MYBL2: variants seen among roughly 807,000 people sequenced by gnomAD.
MYBL2 encodes the protein myb-related protein B.
In MYBL2, 28 loss-of-function variants were observed where a neutral mutation model predicts 79.9. The ratio of observed to expected loss-of-function variants is 0.35; its 90% CI spans 0.26 to 0.48. The LOEUF is 0.48. Ranked by LOEUF, MYBL2 falls within the 20% of genes least tolerant of loss-of-function variation. MYBL2 has a pLI of 0.99. For synonymous variants in MYBL2, 378 were observed against 361.2 expected (o/e 1.05, Z -0.53); for missense variants, 735 against 893.9 (o/e 0.82, Z 2.27).
exon 14 of MYBL2, chr20:43,716,478 CTCTT>C (rs1461340641): frequency 4.3e-6 from 1 of 235,200 alleles, no homozygotes; most frequent in African/African-American, 2.4e-5. Flanking sequence ...AATTGCCTCT[CTCTT>C]TGTGCTGGTC....
intron 2 of MYBL2, among the ~76,000 whole-genome samples, chr20:43,675,705 C>T (rs1986990332): frequency 6.6e-6 from 1 of 151,936 alleles, no homozygotes; most frequent in Admixed American, 6.6e-5. Context: ...GTCAGGCTTC[C>T]CCAGCTCCAG....
At chr20:43,691,543 A>T (rs1323533245) in intron 5 of MYBL2, among the ~76,000 whole-genome samples, 4 of 141,690 alleles carry the variant, frequency 2.8e-5, no homozygotes, top group African/African-American at 7.9e-5. Flanking sequence ...TTATATATAC[A>T]TTTTTTTTTT....
At chr20:43,693,463 C>T (rs532105468) in intron 6 of MYBL2, among the ~76,000 whole-genome samples, 3 of 152,086 alleles carry the variant, frequency 2.0e-5, no homozygotes, top group Admixed American at 6.6e-5. Flanking sequence ...CTCAGCATCC[C>T]GAGTAGCTGG....
rs142205337 is a variant in MYBL2, at chr20:43,708,314, A to G, written c.1506-1649A>G. 1.2e-3 allele frequency among the ~76,000 whole-genome samples: 181 copies of G among 151,950 alleles called. 2 individuals carry two copies. The highest frequency in any genetic ancestry group is 4.0e-3 in the African/African-American group (167 of 41,440). ...AGGGTCTCACTGTGTTGCCCAGGCT[A>G]GTCTTGAACTCTGGGACTCAAGCAA... is the stretch of plus-strand genomic sequence containing the variant. On this transcript the variant is annotated intron_variant, in intron 9 of 13. Transcript: ENST00000217026.
chr20:43,702,000 G>A (rs990775911), intron 7 of MYBL2, among the ~76,000 whole-genome samples: 3 of 152,192 alleles, frequency 2.0e-5, no homozygotes, highest in South Asian at 2.1e-4. Flanking sequence ...GGTGGCACAC[G>A]CCTGTAGTCC....
At chr20:43,689,744 A>G (rs550701221) in intron 5 of MYBL2, among the ~76,000 whole-genome samples, 8 of 152,260 alleles carry the variant, frequency 5.3e-5, no homozygotes, top group African/African-American at 1.2e-4. Flanking sequence ...TTAACTGTCA[A>G]TGGCAGCCAC....
At chr20:43,684,521 C>T (rs1193091814) in intron 4 of MYBL2, among the ~76,000 whole-genome samples, 2 of 151,190 alleles carry the variant, frequency 1.3e-5, no homozygotes, top group African/African-American at 2.4e-5. Context: ...AAGCGTGAGC[C>T]ACTGTGCCCG....
In MYBL2 at chr20:43,687,053, G is replaced by A. The variant is rs1987294006; in HGVS notation, c.481G>A (p.Ala161Thr). 6.2e-7 allele frequency: 1 copy of A among 1,612,992 alleles called. No individual in the cohort carries two copies. Among genetic ancestry groups the A allele is most frequent in the Non-Finnish European group, 8.5e-7 (1 of 1,179,926 alleles). ...KVLGNRWAEI[A>T]KMLPGRTDNA... ...GCTGGGCAACCGCTGGGCCGAGATC[G>A]CCAAGATGTTGCCAGGGAGGTAAGC... Residue 161 changes from alanine (A) to threonine (T), a missense_variant, in exon 5 of 14, where the codon GCC (alanine) becomes ACC (threonine). By Grantham distance (58) the Ala-to-Thr change is moderately conservative. Transcript: ENST00000217026.
intron 6 of MYBL2, among the ~76,000 whole-genome samples, chr20:43,696,531 CG>C (rs531218284): frequency 0.01 from 1,579 of 152,394 alleles, 27 homozygotes; most frequent in African/African-American, 0.035. Context: ...TAAAATTAGA[CG>C]ATGTCTTACT....
intron 9 of MYBL2, among the ~76,000 whole-genome samples, chr20:43,706,460 A>T (rs749650452): frequency 1.3e-5 from 2 of 152,076 alleles, no homozygotes; most frequent in Non-Finnish European, 2.9e-5. Flanking sequence ...TCTGCTTGAT[A>T]CATTTGCTGG....
intron 10 of MYBL2, among the ~76,000 whole-genome samples, chr20:43,710,279 C>T (rs898784661): frequency 6.6e-5 from 10 of 152,152 alleles, no homozygotes; most frequent in Middle Eastern, 3.2e-3. Context: ...AAGCACGCGC[C>T]GGCTGGTGCT....
At chr20:43,673,398 A>G (rs1986914086) in intron 1 of MYBL2, among the ~76,000 whole-genome samples, 1 of 151,796 alleles carries the variant, frequency 6.6e-6, no homozygotes, top group South Asian at 2.1e-4. Flanking sequence ...ACACTTTGGG[A>G]GGCCGTGGTG....
intron 5 of MYBL2, among the ~76,000 whole-genome samples, chr20:43,690,194 T>G (rs865842927): frequency 0.016 from 1,913 of 121,208 alleles, 50 homozygotes; most frequent in African/African-American, 0.08. Flanking sequence ...TGTTTTTTGT[T>G]TTTTTTTTTT....
Position 43,699,861 on chromosome 20 carries a change from C to G in MYBL2, c.768C>G (p.Pro256=), listed in dbSNP as rs1987640020. The G allele has an allele frequency of 6.2e-7, 1 of 1,613,966 alleles. No individual in the cohort carries two copies. The highest frequency in any genetic ancestry group is 1.3e-5 in the African/African-American group (1 of 74,910). Residue 256 remains proline (P), a synonymous_variant, in exon 7 of 14, where the codon CCC becomes CCG. Transcript: ENST00000217026. ...AAATTSKEQE[P]IGTDLDAVRT... ...CCACCACATCGAAGGAACAGGAGCCCATCGGTACAGATCTGGACGCAGTGC... is the reference window on the plus strand; with the variant it reads ...CCACCACATCGAAGGAACAGGAGCCGATCGGTACAGATCTGGACGCAGTGC...
At chr20:43,671,463 A>ATTTT (rs376522569) in intron 1 of MYBL2, among the ~76,000 whole-genome samples, 730 of 70,790 alleles carry the variant, frequency 0.01, 20 homozygotes, top group African/African-American at 0.026. Context: ...GCTGATTTCC[A>ATTTT]TTTTTTTTTT....
intron 6 of MYBL2, among the ~76,000 whole-genome samples, chr20:43,694,426 TA>T (rs1210300433): frequency 1.3e-5 from 2 of 152,174 alleles, no homozygotes; most frequent in Non-Finnish European, 2.9e-5. Context: ...GTGTGGTAGG[TA>T]ACAATTGTCC....
chr20:43,706,125 C>A (rs1273672895), intron 9 of MYBL2, among the ~76,000 whole-genome samples: 6 of 152,198 alleles, frequency 3.9e-5, no homozygotes, highest in African/African-American at 1.2e-4. Context: ...CTGCACCTGG[C>A]CCTCATTTGA....
At position 43,705,326 on chromosome 20, in the gene MYBL2, G is replaced by C; in HGVS notation, c.1473G>C (p.Arg491=). ...QKVVVTTPLH[R]DKTPLHQKHA... is the part of the protein sequence containing the mutation. The stretch of plus-strand genomic sequence containing the variant: ...TGGTGGTCACCACACCACTGCACCG[G>C]GACAAGACACCCCTGCACCAGAAAC... Residue 491 remains arginine, a synonymous_variant, in exon 9 of 14, where the codon CGG becomes CGC. Coordinates refer to ENST00000217026, the MANE Select transcript of MYBL2 (RefSeq NM_002466.4). 3 of 1,613,594 alleles carry C rather than the reference G, an allele frequency of 1.9e-6. No individual in the cohort carries two copies. Among genetic ancestry groups the C allele is most frequent in the Non-Finnish European group, 2.5e-6 (3 of 1,179,808 alleles).
intron 10 of MYBL2, among the ~76,000 whole-genome samples, chr20:43,710,499 G>T (rs1211643959): frequency 2.0e-5 from 3 of 152,232 alleles, no homozygotes; most frequent in African/African-American, 7.2e-5. Flanking sequence ...GCAGTGTGCA[G>T]GCTGCCCTTC....
Sources: allele counts gnomAD v4.1 joint callset (sites outside exome capture counted in the v4.1 genomes callset), GRCh38; gene constraint gnomAD v4.1.1; transcripts MANE v1.5; gene names NCBI Gene and HGNC (gene_info 2026-07-23, HGNC 2026-07-21).